The following ART3 variants were observed in gnomAD, a reference collection of about 807,000 sequenced individuals.
ART3 encodes ADP-ribosyltransferase 3 (inactive).
ART3 carries 49 observed loss-of-function variants against 48.5 expected under a neutral mutation model. The ratio of observed to expected loss-of-function variants is 1.01; its 90% confidence interval spans 0.80 to 1.28. ART3 has a LOEUF of 1.28. Among genes scored for constraint, ART3 ranks in the 50% most tolerant of loss-of-function variants. The pLI, the probability that ART3 is intolerant of heterozygous loss-of-function variation, is 0.00. For missense variants in ART3, 438 were observed against 454.3 expected (o/e 0.96, Z 0.33); for synonymous variants, 145 against 157.2 (o/e 0.92, Z 0.58).
chr4:76,014,971 A>G (rs1732129627), intron 1 of ART3, among the ~76,000 whole-genome samples: 1 of 152,226 alleles, frequency 6.6e-6, no homozygotes, highest in Non-Finnish European at 1.5e-5. Context: ...CCCTTCAAGA[A>G]TGAAAAAGAA....
At chr4:76,067,788 C>A (rs75472154) in intron 1 of ART3, among the ~76,000 whole-genome samples, 1,710 of 152,286 alleles carry the variant, frequency 0.011, 35 homozygotes, top group African/African-American at 0.039. Context: ...ATTCAGAGTT[C>A]TTTTTCTTCC....
chr4:76,036,008 G>A, intron 1 of ART3: 1 of 1,609,444 alleles, frequency 6.2e-7, no homozygotes. Flanking sequence ...TGCTGTTGCT[G>A]CTGGTGCTGC....
chr4:76,036,639 A>G (rs888958876), intron 1 of ART3: 3 of 149,530 alleles, frequency 2.0e-5, no homozygotes, highest in African/African-American at 7.5e-5. Flanking sequence ...TACTTTATAT[A>G]TTTTATTTTG....
upstream of ART3, among the ~76,000 whole-genome samples, chr4:76,070,877 T>C (rs1313080684): frequency 6.6e-6 from 1 of 152,104 alleles, no homozygotes; most frequent in Admixed American, 6.6e-5. Flanking sequence ...CCTGTTCATA[T>C]TAGATGAACC....
At chr4:76,106,568 T>C (rs1728518257) in intron 10 of ART3, among the ~76,000 whole-genome samples, 1 of 152,214 alleles carries the variant, frequency 6.6e-6, no homozygotes, top group Admixed American at 6.5e-5. Flanking sequence ...GAGCGTTGTG[T>C]GTCTGTTCCC....
At chr4:76,027,216 G>C (rs1340165880) in intron 1 of ART3, among the ~76,000 whole-genome samples, 1 of 152,134 alleles carries the variant, frequency 6.6e-6, no homozygotes, top group East Asian at 1.9e-4. Flanking sequence ...TCACGCCATT[G>C]CACTCTAGCC....
At chr4:76,067,710 A>G (rs1204187319) in intron 1 of ART3, among the ~76,000 whole-genome samples, 3 of 152,238 alleles carry the variant, frequency 2.0e-5, no homozygotes, top group Admixed American at 6.5e-5. Flanking sequence ...AACAGTAAAA[A>G]CACTTAATCT....
At chr4:76,080,046 G>C (rs1722117351) in intron 2 of ART3, among the ~76,000 whole-genome samples, 1 of 151,990 alleles carries the variant, frequency 6.6e-6, no homozygotes, top group South Asian at 2.1e-4. Context: ...GTCTCCAACT[G>C]AGGTCCCTAA....
intron 1 of ART3, among the ~76,000 whole-genome samples, chr4:76,052,191 G>A (rs1309656999): frequency 1.3e-5 from 2 of 152,118 alleles, no homozygotes; most frequent in South Asian, 2.1e-4. Flanking sequence ...GACCTGCCTG[G>A]TCAATATGCT....
chr4:76,053,877 T>A (rs1736367804), intron 1 of ART3, among the ~76,000 whole-genome samples: 1 of 152,222 alleles, frequency 6.6e-6, no homozygotes, highest in South Asian at 2.1e-4. Flanking sequence ...AAATCATGTT[T>A]CTCACAACAA....
At chr4:76,045,585 C>A (rs35871035) in intron 1 of ART3, among the ~76,000 whole-genome samples, 2 of 152,028 alleles carry the variant, frequency 1.3e-5, no homozygotes, top group African/African-American at 4.8e-5. Context: ...GGTTGTCCCA[C>A]GAGTCTAAGG....
At chr4:76,048,404 G>A (rs1735718325) in intron 1 of ART3, among the ~76,000 whole-genome samples, 1 of 151,828 alleles carries the variant, frequency 6.6e-6, no homozygotes, top group Non-Finnish European at 1.5e-5. Flanking sequence ...TTCAGGGTTA[G>A]TGGGTCAAAT....
chr4:76,034,472 T>G, intron 1 of ART3: 1 of 516,060 alleles, frequency 1.9e-6, no homozygotes, highest in Non-Finnish European at 3.3e-6. Context: ...ATGCAACAAG[T>G]AAGAACGTGA....
intron 1 of ART3, chr4:76,023,402 G>A (rs887638042): frequency 2.5e-5 from 41 of 1,613,860 alleles, no homozygotes; most frequent in Non-Finnish European, 3.5e-5. Context: ...GAAAGATAAG[G>A]CAGCAAATCA....
At chr4:76,100,267 A>G (rs758154680) in intron 5 of ART3, 24 bp from the exon 6 acceptor site, 2 of 1,609,686 alleles carry the variant, frequency 1.2e-6, no homozygotes, top group Non-Finnish European at 8.5e-7. Context: ...GTTAAAACTG[A>G]TGAACTTCTT....
At position 76,082,385 on chromosome 4, in the gene ART3, A is replaced by G. The variant is rs768946151; in HGVS notation, c.631A>G (p.Ile211Val). 8 of 1,614,108 alleles carry G rather than the reference A, an allele frequency of 5.0e-6. No individual in the cohort carries two copies. The highest frequency in any genetic ancestry group is 1.7e-5 in the Admixed American group (1 of 60,012). ...LSIYTCLGVD[I>V]ENFLDKESER... Reference sequence around the variant, plus strand: ...CATCTACACATGCCTTGGAGTTGACATTGAAAATTTTCTTGATAAAGAAAG... The same window carrying G: ...CATCTACACATGCCTTGGAGTTGACGTTGAAAATTTTCTTGATAAAGAAAG... Residue 211 changes from isoleucine (I) to valine (V), a missense_variant, in exon 3 of 12, where the codon ATT (isoleucine) becomes GTT (valine). This residue lies in a region of ART3 where 227 missense variants were observed against 229.6 expected (regional missense o/e 0.99). Coordinates refer to ENST00000355810, the MANE Select transcript of ART3 (RefSeq NM_001130016.3).
rs567029397 is a variant in ART3, at chr4:76,065,203, A to C, written c.-9-10678A>C. 2.6e-5 allele frequency among the ~76,000 whole-genome samples: 4 copies of C among 152,330 alleles called. No homozygotes were observed. The South Asian group carries it at 6.2e-4, about 24-fold the overall frequency. On this transcript the variant is annotated intron_variant, in intron 1 of 9. Transcript: ENST00000341029. ...GTGAGGTGCACTTCTTAACACCACA[A>C]AGTTCAAAAACAAACAATTACAAAT...
intron 5 of ART3, among the ~76,000 whole-genome samples, chr4:76,099,947 CCTT>C (rs746315802): frequency 3.9e-5 from 6 of 152,168 alleles, no homozygotes; most frequent in Non-Finnish European, 8.8e-5. Flanking sequence ...GCTTAGCAGC[CCTT>C]CTTTTTATTG....
chr4:76,100,656 G>C (rs1280340835), intron 6 of ART3, 139 bp from the exon 7 acceptor site: 27 of 1,009,856 alleles, frequency 2.7e-5, no homozygotes, highest in Non-Finnish European at 3.0e-6. Context: ...AAATTCTGGG[G>C]GCTTGCATTT....
Sources: gnomAD v4.1 joint callset for allele counts (sites outside exome capture counted in the v4.1 genomes callset) on GRCh38, gnomAD v4.1.1 for gene constraint, gnomAD v4.1.1 regional missense constraint, MANE v1.5 for transcripts, NCBI Gene and HGNC (gene_info 2026-07-23, HGNC 2026-07-21) for gene names.